The following DYNLT2B variants were observed in gnomAD, a reference collection of about 807,000 sequenced individuals.
The protein encoded by DYNLT2B is dynein light chain Tctex-type 2B.
A neutral mutation model predicts 19.5 loss-of-function variants in DYNLT2B; 14 were observed. That is an observed-to-expected ratio of 0.72 (90% confidence interval 0.47 to 1.12). DYNLT2B has a LOEUF of 1.12. Among genes scored for constraint, DYNLT2B ranks in the 50% most tolerant of loss-of-function variants. The probability of loss-of-function intolerance (pLI) is 0.00; values close to 1 mark genes in which losing one functional copy is unlikely to be tolerated. For synonymous variants in DYNLT2B, 70 were observed against 59.7 expected, an observed-to-expected ratio of 1.17 and a Z score of -0.79; for missense variants, 133 against 174.7, an observed-to-expected ratio of 0.76 and a Z score of 1.35.
At chr3:196,296,097 C>T in intron 3 of DYNLT2B, 28 bp from the exon 4 acceptor site, 1 of 1,601,666 alleles carries the variant, frequency 6.2e-7, no homozygotes, top group Non-Finnish European at 8.6e-7. Context: ...GAAGAATTAT[C>T]AACAATCTAA....
chr3:196,313,162 T>C lies in DYNLT2B; in HGVS notation c.247+2936A>G, dbSNP rs138386748. ...TGTCATTTGTCCATGTATATGGACATGTAGAAGTCTGTTGTAATGTTTGCC... is the reference window on the plus strand; with the variant it reads ...TGTCATTTGTCCATGTATATGGACACGTAGAAGTCTGTTGTAATGTTTGCC... On this transcript the variant is annotated intron_variant, in intron 2 of 4. Transcript: ENST00000325318. 6.6e-5 allele frequency among the ~76,000 whole-genome samples: 10 copies of C among 152,146 alleles called. No homozygotes were observed. In the East Asian group the frequency reaches 1.2e-3, roughly 18 times the overall value.
chr3:196,317,416 C>T (rs111443825), intron 1 of DYNLT2B, among the ~76,000 whole-genome samples: 4 of 44,360 alleles, frequency 9.0e-5, no homozygotes, highest in Non-Finnish European at 1.4e-4. Context: ...TTAGTGATCT[C>T]ACAAACCTAG....
intron 3 of DYNLT2B, among the ~76,000 whole-genome samples, chr3:196,304,656 A>C (rs1391906600): frequency 6.6e-6 from 1 of 151,556 alleles, no homozygotes; most frequent in Non-Finnish European, 1.5e-5. Flanking sequence ...GCACCATTGC[A>C]CTACAGCCTG....
At chr3:196,309,631 G>A (rs953950212) in intron 2 of DYNLT2B, among the ~76,000 whole-genome samples, 4 of 152,058 alleles carry the variant, frequency 2.6e-5, no homozygotes, top group Non-Finnish European at 5.9e-5. Flanking sequence ...AAGGAAGAAG[G>A]AAGGAAAGAA....
intron 2 of DYNLT2B, among the ~76,000 whole-genome samples, chr3:196,309,300 T>C (rs1213841550): frequency 1.3e-5 from 2 of 152,116 alleles, no homozygotes; most frequent in African/African-American, 4.8e-5. Flanking sequence ...AGTTTCACTC[T>C]TGTTGCCCAG....
intron 1 of DYNLT2B, among the ~76,000 whole-genome samples, chr3:196,316,916 T>G (rs1326726182): frequency 1.5e-5 from 2 of 136,988 alleles, no homozygotes; most frequent in African/African-American, 2.8e-5. Flanking sequence ...TGTTGTGTGG[T>G]GTGTGTGTGT....
intron 2 of DYNLT2B, among the ~76,000 whole-genome samples, chr3:196,310,898 G>C (rs1431765526): frequency 1.3e-5 from 2 of 151,912 alleles, no homozygotes; most frequent in East Asian, 3.9e-4. Context: ...ACCACGCCTG[G>C]CTAATTCTTT....
chr3:196,315,973 G>A, intron 2 of DYNLT2B, 125 bp downstream of exon 2: 1 of 1,024,410 alleles, frequency 9.8e-7, no homozygotes, highest in Non-Finnish European at 1.4e-6. Context: ...CTAAAGTGTT[G>A]GGATTGTAGG....
At chr3:196,296,867 A>G (rs1360192211) in intron 3 of DYNLT2B, among the ~76,000 whole-genome samples, 2 of 152,084 alleles carry the variant, frequency 1.3e-5, no homozygotes, top group Non-Finnish European at 2.9e-5. Context: ...GTATGTGAAG[A>G]TCACACCTGT....
intron 3 of DYNLT2B, among the ~76,000 whole-genome samples, chr3:196,300,496 A>T (rs1475551920): frequency 6.6e-6 from 1 of 152,078 alleles, no homozygotes; most frequent in Non-Finnish European, 1.5e-5. Context: ...TTGGGAGGCC[A>T]AAGTGGGTGG....
At chr3:196,291,847 C>T (rs4916424) in intron 4 of DYNLT2B, among the ~76,000 whole-genome samples, 48,623 of 152,086 alleles carry the variant, frequency 0.32, 8,872 homozygotes, top group East Asian at 0.83. Flanking sequence ...TATAGCTACA[C>T]TATTGCTTGC....
intron 1 of DYNLT2B, among the ~76,000 whole-genome samples, chr3:196,316,909 T>TGTGTGTG (rs1287554227): frequency 1.4e-4 from 5 of 35,300 alleles, no homozygotes; most frequent in African/African-American, 4.1e-4. Flanking sequence ...GTGTGTGTGT[T>TGTGTGTG]GTGTGGTGTG....
intron 3 of DYNLT2B, among the ~76,000 whole-genome samples, chr3:196,302,877 A>G: frequency 6.6e-6 from 1 of 151,328 alleles, no homozygotes; most frequent in Non-Finnish European, 1.5e-5. Flanking sequence ...ACTTGGGGGG[A>G]AACTTAATTT....
intron 1 of DYNLT2B, among the ~76,000 whole-genome samples, chr3:196,317,676 G>A (rs911102047): frequency 3.9e-5 from 6 of 152,278 alleles, no homozygotes; most frequent in Admixed American, 1.3e-4. Context: ...CGTGTGCACA[G>A]TCACCCTCGA....
chr3:196,316,934 G>T (rs1269466421), intron 1 of DYNLT2B, among the ~76,000 whole-genome samples: 1 of 76,710 alleles, frequency 1.3e-5, no homozygotes, highest in Non-Finnish European at 2.8e-5. Context: ...TGTGTTGTGT[G>T]GTGTGTGTGT....
chr3:196,291,919 G>A (rs1434956782), intron 4 of DYNLT2B, among the ~76,000 whole-genome samples: 1 of 152,164 alleles, frequency 6.6e-6, no homozygotes, highest in Non-Finnish European at 1.5e-5. Context: ...TAGATTTTCT[G>A]AATGCAAAAA....
intron 4 of DYNLT2B, among the ~76,000 whole-genome samples, chr3:196,291,644 A>C (rs1726099169): frequency 6.6e-6 from 1 of 152,022 alleles, no homozygotes. Context: ...ATACCAGGCT[A>C]ATTTTGTTTA....
At chr3:196,307,469 A>G (rs1468901058) in intron 2 of DYNLT2B, among the ~76,000 whole-genome samples, 2 of 151,806 alleles carry the variant, frequency 1.3e-5, no homozygotes, top group Non-Finnish European at 2.9e-5. Flanking sequence ...CACCTGGCTA[A>G]TTTTTGTATT....
chr3:196,316,189 G>A lies in DYNLT2B; in HGVS notation c.156C>T (p.Leu52=). 2 of 1,613,824 alleles carry A rather than the reference G, an allele frequency of 1.2e-6. No homozygotes were observed. The highest frequency in any genetic ancestry group is 1.7e-6 in the Non-Finnish European group (2 of 1,179,904). ...ATTCAGCATTTGCCAGTTCCTCCTT[G>A]AGCACAGCATGGATACAGTCTTTAA... is the stretch of plus-strand genomic sequence containing the variant. ...SVVKDCIHAV[L]KEELANAEYS... Residue 52 remains leucine (L), a synonymous_variant, in exon 2 of 5, where the codon CTC becomes CTT. Coordinates refer to ENST00000325318, the MANE Select transcript of DYNLT2B (RefSeq NM_152773.5).
Sources: allele counts gnomAD v4.1 joint callset (sites outside exome capture counted in the v4.1 genomes callset), GRCh38; gene constraint gnomAD v4.1.1; transcripts MANE v1.5; gene names NCBI Gene and HGNC (gene_info 2026-07-23, HGNC 2026-07-21).